SOCS5: variants seen among roughly 807,000 people sequenced by gnomAD.
SOCS5 encodes suppressor of cytokine signaling 5, also known as CIS-6.
SOCS5 carries 32 observed loss-of-function variants against 42.8 expected under a neutral mutation model. The observed-to-expected ratio is 0.75, with a 90% CI of 0.56 to 1.01. The LOEUF (loss-of-function observed/expected upper bound fraction) is 1.01. Among genes scored for constraint, SOCS5 ranks in the 50% least tolerant of loss-of-function variants. SOCS5 has a pLI of 0.00. For missense variants in SOCS5, 627 were observed against 653.0 expected (o/e 0.96, Z 0.43); for synonymous variants, 283 against 229.6 (o/e 1.23, Z -2.10).
intron 1 of SOCS5, among the ~76,000 whole-genome samples, chr2:46,715,295 C>T (rs1401974978): frequency 6.6e-6 from 1 of 151,080 alleles, no homozygotes; most frequent in Non-Finnish European, 1.5e-5. Flanking sequence ...TTGCTTGAGC[C>T]TGGGCTGTCG....
Position 46,758,920 on chromosome 2 carries a change from A to G in SOCS5, c.390A>G (p.Thr130=), listed in dbSNP as rs753813553. The part of the protein sequence containing the change: ...WGGKKKHSCS[T]KTQSSLDADK... ...GGAAGAAAAAACATTCCTGTTCTAC[A>G]AAGACCCAGAGTTCATTGGATGCTG... Residue 130 remains threonine (T), a synonymous_variant, in exon 2 of 2, where the codon ACA becomes ACG. Transcript: ENST00000394861. 1.1e-5 allele frequency: 17 copies of G among 1,613,934 alleles called. No individual in the cohort carries two copies. The highest frequency in any genetic ancestry group is 1.7e-5 in the Admixed American group (1 of 60,002).
At position 46,759,940 on chromosome 2, in the gene SOCS5, A is replaced by T. The variant is rs779653476; in HGVS notation, c.1410A>T (p.Pro470=). The T allele has an allele frequency of 1.2e-6, 2 of 1,613,968 alleles. 1 individual carries two copies. The highest frequency in any genetic ancestry group is 2.2e-5 in the South Asian group (2 of 91,068). Residue 470 remains proline, a synonymous_variant, in exon 2 of 2, where the codon CCA becomes CCT. Transcript: ENST00000394861. The part of the protein sequence containing the change: ...KDPSSCMFFE[P]LLTISLNRTF... ...CCAGTTCGTGCATGTTTTTTGAACC[A>T]TTGCTTACTATATCACTAAATAGGA...
At position 46,759,509 on chromosome 2, in the gene SOCS5, G is replaced by A. The variant is rs374501074; in HGVS notation, c.979G>A (p.Asp327Asn). The change falls in exon 2 of 2, where the codon GAT (aspartate) becomes AAT (asparagine). Residue 327 changes from aspartate (D) to asparagine (N), a missense_variant. By Grantham distance (23) the Asp-to-Asn change is conservative. Around this residue, in one of 3 missense-constraint regions of SOCS5, gnomAD observed 340 missense variants for 367.6 expected, o/e 0.92. Transcript: ENST00000394861. Reference sequence around the variant, plus strand: ...ACAAGCTAATTGTGACTCGGAAGAGGATACAACCACCCTGTGTTTGCAGTC... The same window carrying A: ...ACAAGCTAATTGTGACTCGGAAGAGAATACAACCACCCTGTGTTTGCAGTC... ...IPQANCDSEEDTTTLCLQSRR... is the reference protein window; with the variant it reads ...IPQANCDSEENTTTLCLQSRR... 3 of 1,613,852 alleles carry A rather than the reference G, an allele frequency of 1.9e-6. 1 individual carries two copies. The highest frequency in any genetic ancestry group is 2.7e-5 in the African/African-American group (2 of 74,922).
At chr2:46,747,245 G>C (rs960833157) in intron 1 of SOCS5, among the ~76,000 whole-genome samples, 1 of 151,724 alleles carries the variant, frequency 6.6e-6, no homozygotes, top group Non-Finnish European at 1.5e-5. Context: ...TTTTGAGACA[G>C]GATTTTGCTC....
intron 1 of SOCS5, among the ~76,000 whole-genome samples, chr2:46,755,418 T>G (rs189542451): frequency 1.9e-4 from 29 of 152,312 alleles, no homozygotes; most frequent in Admixed American, 1.7e-3. Context: ...TGTAAACTTA[T>G]GTAGTGATAG....
intron 1 of SOCS5, among the ~76,000 whole-genome samples, chr2:46,740,466 C>T (rs571779308): frequency 6.6e-6 from 1 of 152,178 alleles, no homozygotes; most frequent in Non-Finnish European, 1.5e-5. Flanking sequence ...TGATGTGTAT[C>T]ATAAAACTCA....
At chr2:46,736,045 T>C (rs1435205782) in intron 1 of SOCS5, among the ~76,000 whole-genome samples, 3 of 142,024 alleles carry the variant, frequency 2.1e-5, no homozygotes, top group Non-Finnish European at 4.6e-5. Context: ...TTTCCCCCTC[T>C]CTCCCTCCCT....
intron 1 of SOCS5, among the ~76,000 whole-genome samples, chr2:46,700,640 T>C (rs1672319378): frequency 6.6e-6 from 1 of 152,226 alleles, no homozygotes. Context: ...TATTAAGCAA[T>C]ACTAAAATCA....
intron 1 of SOCS5, among the ~76,000 whole-genome samples, chr2:46,739,352 C>A (rs1673319799): frequency 6.6e-6 from 1 of 152,088 alleles, no homozygotes; most frequent in Non-Finnish European, 1.5e-5. Context: ...ATTGGAGTTT[C>A]ACTGAAGGAT....
chr2:46,735,581 C>G (rs1223663263), intron 1 of SOCS5, among the ~76,000 whole-genome samples: 1 of 151,912 alleles, frequency 6.6e-6, no homozygotes, highest in African/African-American at 2.4e-5. Flanking sequence ...TTTGCCTTCT[C>G]TGCTTGATTC....
At position 46,758,667 on chromosome 2, in the gene SOCS5, G is replaced by C. The variant is rs914217844; in HGVS notation, c.137G>C (p.Ser46Thr). 5 of 1,614,056 alleles carry C rather than the reference G, an allele frequency of 3.1e-6. No homozygotes were observed. Among genetic ancestry groups the C allele is most frequent in the African/African-American group, 2.7e-5 (2 of 74,940 alleles). ...RCLSVKEKNI[S>T]IGDSTPQQQS... ...TTGTCTGTCAAAGAGAAAAACATCA[G>C]CATAGGAGACTCAACTCCTCAGCAA... The change falls in exon 2 of 2, where the codon AGC becomes ACC. Residue 46 changes from serine (S) to threonine (T), a missense_variant. Around this residue, in one of 3 missense-constraint regions of SOCS5, gnomAD observed 278 missense variants for 246.3 expected, o/e 1.13. Coordinates refer to ENST00000394861, the MANE Select transcript of SOCS5 (RefSeq NM_144949.3).
chr2:46,717,502 C>G (rs1672774791), intron 1 of SOCS5, among the ~76,000 whole-genome samples: 1 of 152,114 alleles, frequency 6.6e-6, no homozygotes, highest in Non-Finnish European at 1.5e-5. Flanking sequence ...ATATTCATGC[C>G]AGATAAACAA....
At chr2:46,723,524 A>G (rs954130484) in intron 1 of SOCS5, among the ~76,000 whole-genome samples, 3 of 152,028 alleles carry the variant, frequency 2.0e-5, no homozygotes, top group African/African-American at 7.2e-5. Context: ...TACAACACCT[A>G]TTGTTTAGGG....
chr2:46,713,082 A>G (rs954976107), intron 1 of SOCS5, among the ~76,000 whole-genome samples: 1 of 152,238 alleles, frequency 6.6e-6, no homozygotes, highest in Non-Finnish European at 1.5e-5. Context: ...TAGGCCCAGC[A>G]TGGTGGCTCA....
chr2:46,758,171 C>T (rs1380684843), intron 1 of SOCS5, among the ~76,000 whole-genome samples: 1 of 152,228 alleles, frequency 6.6e-6, no homozygotes, highest in Non-Finnish European at 1.5e-5. Context: ...CAATATGGAA[C>T]ATATTTTGCC....
intron 1 of SOCS5, among the ~76,000 whole-genome samples, chr2:46,726,738 AATTATTATTATTATT>A (rs111456718): frequency 6.9e-6 from 1 of 145,462 alleles, no homozygotes; most frequent in African/African-American, 2.5e-5. Flanking sequence ...TTCAGTTCTA[AATTATTATTATTATT>A]ATTATTATTA....
intron 1 of SOCS5, among the ~76,000 whole-genome samples, chr2:46,724,382 G>C (rs1365097566): frequency 2.6e-5 from 4 of 151,944 alleles, no homozygotes; most frequent in African/African-American, 9.7e-5. Flanking sequence ...TCACCATTAA[G>C]CATGACGTTA....
At chr2:46,734,014 G>A (rs573707389) in intron 1 of SOCS5, among the ~76,000 whole-genome samples, 9 of 152,312 alleles carry the variant, frequency 5.9e-5, no homozygotes, top group Non-Finnish European at 1.0e-4. Context: ...GAGTTAGAAA[G>A]AAATAATGGA....
At chr2:46,712,549 G>C (rs1164333170) in intron 1 of SOCS5, among the ~76,000 whole-genome samples, 1 of 152,012 alleles carries the variant, frequency 6.6e-6, no homozygotes, top group African/African-American at 2.4e-5. Flanking sequence ...TCACCATATT[G>C]GCCAGGCTGG....
Sources: gnomAD v4.1 joint callset for allele counts (sites outside exome capture counted in the v4.1 genomes callset) on GRCh38, gnomAD v4.1.1 for gene constraint, gnomAD v4.1.1 regional missense constraint, MANE v1.5 for transcripts, NCBI Gene and HGNC (gene_info 2026-07-23, HGNC 2026-07-21) for gene names.